PKHD1: variants seen among roughly 807,000 people sequenced by gnomAD.
The protein encoded by PKHD1 is fibrocystin.
A neutral mutation model predicts 412.0 loss-of-function variants in PKHD1; 291 were observed. The observed-to-expected ratio is 0.71, with a 90% CI of 0.64 to 0.78. The LOEUF is 0.78. Among genes scored for constraint, PKHD1 ranks in the 30% least tolerant of loss-of-function variants. The probability of loss-of-function intolerance (pLI) is 0.00; values close to 1 mark genes in which losing one functional copy is unlikely to be tolerated. For missense variants in PKHD1, 4,825 were observed against 4,950.7 expected (o/e 0.97, Z 0.76); for synonymous variants, 1,777 against 1,821.5 (o/e 0.98, Z 0.62).
intron 59 of PKHD1, among the ~76,000 whole-genome samples, chr6:51,746,135 G>T (rs1254543698): frequency 6.6e-6 from 1 of 152,028 alleles, no homozygotes; most frequent in East Asian, 1.9e-4. Flanking sequence ...ATATTTGAAT[G>T]AAACTCTTAG....
At chr6:51,922,447 G>A (rs755675279) in intron 37 of PKHD1, among the ~76,000 whole-genome samples, 1 of 152,240 alleles carries the variant, frequency 6.6e-6, no homozygotes, top group African/African-American at 2.4e-5. Context: ...CAAACTCTGT[G>A]CTGGGAGAAC....
intron 35 of PKHD1, among the ~76,000 whole-genome samples, chr6:51,992,821 A>G (rs1249112162): frequency 6.6e-6 from 1 of 152,250 alleles, no homozygotes; most frequent in East Asian, 1.9e-4. Flanking sequence ...CAAAAAGAGA[A>G]GCAAGCTTGT....
At chr6:51,647,241 A>G (rs1770211765) in intron 63 of PKHD1, among the ~76,000 whole-genome samples, 1 of 152,150 alleles carries the variant, frequency 6.6e-6, no homozygotes, top group African/African-American at 2.4e-5. Context: ...TTGTATTTCA[A>G]CGGTTTTGTG....
chr6:51,996,097 C>T (rs952072123), intron 35 of PKHD1, among the ~76,000 whole-genome samples: 1 of 151,442 alleles, frequency 6.6e-6, no homozygotes, highest in African/African-American at 2.4e-5. Flanking sequence ...GCTCCACCTC[C>T]TGGGTTCACA....
intron 36 of PKHD1, among the ~76,000 whole-genome samples, chr6:51,958,205 C>T (rs1456031659): frequency 6.6e-6 from 1 of 151,988 alleles, no homozygotes; most frequent in Non-Finnish European, 1.5e-5. Context: ...CTTAGCCTTA[C>T]ATCCTACCTA....
intron 27 of PKHD1, among the ~76,000 whole-genome samples, chr6:52,036,616 T>C (rs901382223): frequency 6.6e-6 from 1 of 152,138 alleles, no homozygotes; most frequent in Non-Finnish European, 1.5e-5. Context: ...CAAAATCTGA[T>C]GAAAACCTTT....
At chr6:51,672,374 G>A (rs576506315) in intron 60 of PKHD1, among the ~76,000 whole-genome samples, 42 of 152,268 alleles carry the variant, frequency 2.8e-4, no homozygotes, top group African/African-American at 9.1e-4. Context: ...AATATTTAGA[G>A]TGGAAAGAGA....
At position 51,767,219 on chromosome 6, in the gene PKHD1, T is replaced by TA. The variant is rs554414412; in HGVS notation, c.8642+5482dup. On this transcript the variant is annotated intron_variant, in intron 55 of 66. Transcript: ENST00000371117. Reference sequence around the variant, plus strand: ...ATTACTCATATTAGAGGCATACATTTAAAAAAAAATGCTAATGTTTGGCTA... The same window carrying TA: ...ATTACTCATATTAGAGGCATACATTTAAAAAAAAAATGCTAATGTTTGGCTA... Among the ~76,000 whole-genome samples the TA allele has an allele frequency of 1.1e-4, 17 of 151,506 alleles. No individual in the cohort carries two copies. The Middle Eastern group carries it at 0.01, about 91-fold the overall frequency.
intron 60 of PKHD1, among the ~76,000 whole-genome samples, chr6:51,698,505 T>C (rs1323804989): frequency 1.3e-5 from 2 of 152,154 alleles, no homozygotes; most frequent in Admixed American, 6.6e-5. Flanking sequence ...AAGCTTCAGA[T>C]AATTACCTAA....
intron 65 of PKHD1, among the ~76,000 whole-genome samples, chr6:51,631,448 C>T (rs1420939925): frequency 2.0e-5 from 3 of 152,152 alleles, no homozygotes; most frequent in African/African-American, 7.2e-5. Flanking sequence ...CCAGTGGAGC[C>T]TCCTTTCCCA....
At chr6:51,828,768 A>G (rs1268915614) in intron 52 of PKHD1, among the ~76,000 whole-genome samples, 2 of 152,048 alleles carry the variant, frequency 1.3e-5, no homozygotes, top group African/African-American at 4.8e-5. Context: ...AGACAAAACC[A>G]CAAGCAGAAA....
intron 36 of PKHD1, among the ~76,000 whole-genome samples, chr6:51,959,202 G>C (rs572364869): frequency 3.3e-5 from 5 of 152,146 alleles, no homozygotes; most frequent in African/African-American, 1.2e-4. Flanking sequence ...ATTTTCATTT[G>C]CCAATGAACA....
intron 37 of PKHD1, among the ~76,000 whole-genome samples, chr6:51,925,180 C>T (rs550830245): frequency 2.3e-4 from 35 of 152,238 alleles, no homozygotes; most frequent in South Asian, 1.9e-3. Flanking sequence ...AGATGCAGAA[C>T]GCCAGCAAAG....
At chr6:52,029,666 C>G (rs945848223) in intron 29 of PKHD1, among the ~76,000 whole-genome samples, 1 of 152,190 alleles carries the variant, frequency 6.6e-6, no homozygotes, top group Admixed American at 6.5e-5. Flanking sequence ...TTATCCAAAG[C>G]CTTTCATAGC....
intron 37 of PKHD1, among the ~76,000 whole-genome samples, chr6:51,918,020 G>A (rs1046368348): frequency 6.6e-6 from 1 of 152,126 alleles, no homozygotes; most frequent in East Asian, 1.9e-4. Context: ...ACAAACAAGA[G>A]CCAGCCAGTA....
At chr6:51,780,915 A>G (rs774262167) in intron 53 of PKHD1, among the ~76,000 whole-genome samples, 1 of 152,188 alleles carries the variant, frequency 6.6e-6, no homozygotes, top group Admixed American at 6.5e-5. Context: ...TATAATTTGT[A>G]TTTTTATCTG....
Position 51,914,262 on chromosome 6 carries a change from A to C in PKHD1, c.6122-1686T>G, listed in dbSNP as rs544799423. On this transcript the variant is annotated intron_variant, in intron 37 of 66. Coordinates refer to ENST00000371117, the MANE Select transcript of PKHD1 (RefSeq NM_138694.4). ...TGGTCAACTCTGAATGGATGAAAAA[A>C]TTCACAGATAATCTTTGAAGTACAT... 1.9e-3 allele frequency among the ~76,000 whole-genome samples: 293 copies of C among 152,294 alleles called. 4 individuals are homozygous for C. Among genetic ancestry groups the C allele is most frequent in the Non-Finnish European group, 1.0e-3 (69 of 68,006 alleles).
At chr6:52,024,107 T>C (rs1801790915) in intron 32 of PKHD1, among the ~76,000 whole-genome samples, 1 of 152,176 alleles carries the variant, frequency 6.6e-6, no homozygotes, top group African/African-American at 2.4e-5. Context: ...GTCCAACCAA[T>C]TTAATTGTTC....
Position 52,043,636 on chromosome 6 carries a change from C to T in PKHD1, c.2810G>A (p.Trp937Ter), listed in dbSNP as rs786204707. 6.2e-7 allele frequency: 1 copy of T among 1,609,958 alleles called. No homozygotes were observed. The highest frequency in any genetic ancestry group is 8.5e-7 in the Non-Finnish European group (1 of 1,176,360). ...GTGACAAATCATACCAATGGAGTACCACACAGAATGGACACAGGGAGTTGA... is the reference window on the plus strand; with the variant it reads ...GTGACAAATCATACCAATGGAGTACTACACAGAATGGACACAGGGAGTTGA... ...QGSTPCVHSV[W>*]YSIDGDINLM... Residue 937 changes from tryptophan to a stop codon, truncating the protein, a stop_gained, in exon 26 of 67, where the codon TGG becomes TAG. Transcript: ENST00000371117. LOFTEE classifies it high-confidence loss of function.
Sources: allele counts gnomAD v4.1 joint callset (sites outside exome capture counted in the v4.1 genomes callset), GRCh38; gene constraint gnomAD v4.1.1; transcripts MANE v1.5; gene names NCBI Gene and HGNC (gene_info 2026-07-23, HGNC 2026-07-21).